The following RALGPS2 variants were observed in gnomAD, a reference collection of about 807,000 sequenced individuals.
RALGPS2 encodes ras-specific guanine nucleotide-releasing factor RalGPS2.
A neutral mutation model predicts 86.8 loss-of-function variants in RALGPS2; 43 were observed. The observed-to-expected ratio is 0.50, with a 90% confidence interval of 0.39 to 0.64. The LOEUF (loss-of-function observed/expected upper bound fraction) is 0.64, where lower values mean the gene tolerates loss of function less well. Among genes scored for constraint, RALGPS2 ranks in the 30% least tolerant of loss-of-function variants. The probability of loss-of-function intolerance (pLI) is 0.00; values close to 1 mark genes in which losing one functional copy is unlikely to be tolerated. For synonymous variants in RALGPS2, 243 were observed against 231.3 expected (o/e 1.05, Z -0.46); for missense variants, 536 against 694.6 (o/e 0.77, Z 2.57).
intron 1 of RALGPS2, among the ~76,000 whole-genome samples, chr1:178,768,116 C>T (rs1287936053): frequency 2.0e-5 from 3 of 152,114 alleles, no homozygotes; most frequent in African/African-American, 4.8e-5. Context: ...TGTTGATATT[C>T]GACCTTGTCT....
At position 178,866,749 on chromosome 1, in the gene RALGPS2, G is replaced by A. The variant is rs111423331; in HGVS notation, c.608-10749G>A. 4.2e-3 allele frequency among the ~76,000 whole-genome samples: 643 copies of A among 152,210 alleles called. 6 individuals are homozygous for A. Among genetic ancestry groups the A allele is most frequent in the South Asian group, 0.012 (56 of 4,820 alleles). On this transcript the variant is annotated intron_variant, in intron 8 of 19. Transcript: ENST00000367635. ...CAAGGATTAGAACCAGGTCTAGATC[G>A]GATTCTCTGACCCATAGTCAGTATT...
intron 18 of RALGPS2, among the ~76,000 whole-genome samples, chr1:178,903,521 G>A (rs1660264151): frequency 1.3e-5 from 2 of 151,972 alleles, no homozygotes; most frequent in Admixed American, 1.3e-4. Flanking sequence ...TTCTCCCCAA[G>A]TCCCCAAAGT....
intron 8 of RALGPS2, among the ~76,000 whole-genome samples, chr1:178,855,296 CTTTT>C (rs71677302): frequency 7.4e-6 from 1 of 135,908 alleles, no homozygotes; most frequent in African/African-American, 2.6e-5. Flanking sequence ...AGGACAGAGA[CTTTT>C]TTTTTTTTTT....
Position 178,746,300 on chromosome 1 carries a change from C to A in RALGPS2, c.-84+20881C>A, listed in dbSNP as rs185996569. Among the ~76,000 whole-genome samples the A allele has an allele frequency of 2.1e-3, 314 of 152,238 alleles. 2 individuals carry two copies. Among genetic ancestry groups the A allele is most frequent in the African/African-American group, 7.3e-3 (304 of 41,534 alleles). ...GATAGATACCTCACCACAGAAGATA[C>A]GCTAAGTATATGAAAAGATGTTTAG... On this transcript the variant is annotated intron_variant, in intron 1 of 19. Transcript: ENST00000367635.
intron 1 of RALGPS2, among the ~76,000 whole-genome samples, chr1:178,738,369 T>A (rs1231991484): frequency 6.6e-6 from 1 of 151,938 alleles, no homozygotes; most frequent in Non-Finnish European, 1.5e-5. Flanking sequence ...CCACCATGCC[T>A]GGCTGATTTT....
At chr1:178,766,206 A>G (rs769724591) in intron 1 of RALGPS2, among the ~76,000 whole-genome samples, 6 of 152,106 alleles carry the variant, frequency 3.9e-5, no homozygotes, top group Non-Finnish European at 8.8e-5. Context: ...TGTCCATGAA[A>G]TCTTCACAAT....
At chr1:178,820,297 C>G (rs973176457) in intron 6 of RALGPS2, among the ~76,000 whole-genome samples, 6 of 152,168 alleles carry the variant, frequency 3.9e-5, no homozygotes, top group Non-Finnish European at 8.8e-5. Context: ...ATATCATTCT[C>G]AAATTTAAAA....
intron 1 of RALGPS2, among the ~76,000 whole-genome samples, chr1:178,767,146 C>T (rs1652542968): frequency 6.6e-6 from 1 of 152,086 alleles, no homozygotes; most frequent in Non-Finnish European, 1.5e-5. Flanking sequence ...TTTGATTGGG[C>T]TTTGACTATT....
intron 10 of RALGPS2, among the ~76,000 whole-genome samples, chr1:178,882,408 G>A (rs965758341): frequency 4.6e-5 from 7 of 152,162 alleles, no homozygotes; most frequent in African/African-American, 1.4e-4. Context: ...ATGAATGAAT[G>A]CAGTATAGTT....
intron 8 of RALGPS2, among the ~76,000 whole-genome samples, chr1:178,859,375 T>C (rs1374108186): frequency 6.6e-6 from 1 of 151,874 alleles, no homozygotes; most frequent in African/African-American, 2.4e-5. Flanking sequence ...TATTTTTAGT[T>C]TCTAATGACT....
At chr1:178,727,749 A>AG (rs1253481968) in intron 1 of RALGPS2, among the ~76,000 whole-genome samples, 1 of 152,160 alleles carries the variant, frequency 6.6e-6, no homozygotes, top group African/African-American at 2.4e-5. Context: ...CCAGAGACTC[A>AG]GTTCATTCTG....
At chr1:178,902,963 A>G (rs1462870129) in intron 18 of RALGPS2, among the ~76,000 whole-genome samples, 1 of 152,130 alleles carries the variant, frequency 6.6e-6, no homozygotes, top group Non-Finnish European at 1.5e-5. Flanking sequence ...AGTAGATATG[A>G]GAAATTGGAG....
intron 2 of RALGPS2, among the ~76,000 whole-genome samples, chr1:178,779,174 C>T (rs907150603): frequency 6.6e-6 from 1 of 152,294 alleles, no homozygotes; most frequent in South Asian, 2.1e-4. Flanking sequence ...AGGGCTTACT[C>T]TGCTGATGTA....
At chr1:178,909,239 C>T (rs1319622603) in intron 19 of RALGPS2, among the ~76,000 whole-genome samples, 1 of 152,134 alleles carries the variant, frequency 6.6e-6, no homozygotes, top group East Asian at 1.9e-4. Flanking sequence ...TCTGGGCTCT[C>T]TATACTGTTC....
In RALGPS2 at chr1:178,916,656, T is replaced by C. The variant is rs35017809; in HGVS notation, c.*297T>C. The C allele has an allele frequency of 0.05, 17,894 of 356,192 alleles. 631 individuals are homozygous for C. The highest frequency in any genetic ancestry group is 0.062 in the Non-Finnish European group (12,451 of 200,372). 22.1% of individuals were successfully genotyped at this position (356,192 alleles called of 1,614,324 possible). ...AAAACCAACATGAAACACCAAATAG[T>C]GTGTGTGAATCTTCTGGCGGTGCTG... On this transcript the variant is annotated 3_prime_UTR_variant, in exon 20 of 20. Transcript: ENST00000367635.
At chr1:178,737,674 C>T (rs1650792612) in intron 1 of RALGPS2, among the ~76,000 whole-genome samples, 1 of 152,122 alleles carries the variant, frequency 6.6e-6, no homozygotes. Context: ...ATTTTTATGG[C>T]TTAAATATTT....
At position 178,784,467 on chromosome 1, in the gene RALGPS2, A is replaced by C. The variant is rs749705155; in HGVS notation, c.107A>C (p.Lys36Thr). 1 of 1,607,050 alleles carries C rather than the reference A, an allele frequency of 6.2e-7. No homozygotes were observed. The highest frequency in any genetic ancestry group is 8.5e-7 in the Non-Finnish European group (1 of 1,175,420). Residue 36 changes from lysine (K) to threonine (T), a missense_variant, in exon 3 of 20, where the codon AAA (lysine) becomes ACA (threonine). By Grantham distance (78) the Lys-to-Thr change is moderately conservative. Transcript: ENST00000367635. ...AGTGACAAAGGCTCTGAATTGAAGA[A>C]AAGCTTTGATGCTGTGGTATTCGAT... ...SLSDKGSELKKSFDAVVFDVL... is the reference protein window; with the variant it reads ...SLSDKGSELKTSFDAVVFDVL...
intron 2 of RALGPS2, among the ~76,000 whole-genome samples, chr1:178,778,694 C>T (rs1653224293): frequency 1.5e-5 from 2 of 136,916 alleles, no homozygotes; most frequent in Non-Finnish European, 3.1e-5. Context: ...CACATATACA[C>T]CATGGAATAC....
chr1:178,822,449 G>C (rs1001744266), intron 7 of RALGPS2, among the ~76,000 whole-genome samples: 11 of 151,982 alleles, frequency 7.2e-5, no homozygotes, highest in African/African-American at 2.2e-4. Flanking sequence ...TTGTACAAAG[G>C]ATCAATGTGT....
Sources: allele counts gnomAD v4.1 joint callset (sites outside exome capture counted in the v4.1 genomes callset), GRCh38; gene constraint gnomAD v4.1.1; transcripts MANE v1.5; gene names NCBI Gene and HGNC (gene_info 2026-07-23, HGNC 2026-07-21).